The following KCNJ5 variants were observed in gnomAD, a reference collection of about 807,000 sequenced individuals.
KCNJ5 encodes the protein potassium inwardly rectifying channel subfamily J member 5, also known as G protein-activated inward rectifier potassium channel 4.
A neutral mutation model predicts 20.2 loss-of-function variants in KCNJ5; 12 were observed. The ratio of observed to expected loss-of-function variants is 0.59; its 90% CI spans 0.38 to 0.96. The LOEUF (loss-of-function observed/expected upper bound fraction) is 0.96, where lower values mean the gene tolerates loss of function less well. KCNJ5 is among the 40% of genes least tolerant of loss of function. The pLI is 0.00. For synonymous variants in KCNJ5, 210 were observed against 213.9 expected, an observed-to-expected ratio of 0.98 and a Z score of 0.16; for missense variants, 449 against 557.6, an observed-to-expected ratio of 0.81 and a Z score of 1.96.
Position 128,916,274 on chromosome 11 carries a change from A to ATGGATGGATGGC in KCNJ5, c.938-129_938-128insGATGGCTGGATG, listed in dbSNP as rs1345519404. Reference sequence around the variant, plus strand: ...GATGGATGGATGGATGGATGGATGGATGGATGAACAGATGACTGGATGGAT... The same window carrying ATGGATGGATGGC: ...GATGGATGGATGGATGGATGGATGGATGGATGGATGGCTGGATGAACAGATGACTGGATGGAT... On this transcript the variant is annotated intron_variant, in intron 2 of 2. Coordinates refer to ENST00000529694, the MANE Select transcript of KCNJ5 (RefSeq NM_000890.5). 79 of 717,848 alleles carry ATGGATGGATGGC rather than the reference A, an allele frequency of 1.1e-4. No individual in the cohort carries two copies. In the East Asian group the frequency reaches 2.1e-3, roughly 19 times the overall value. The allele number at this position is 717,848 out of a possible 1,614,324, so 44.5% of individuals were successfully genotyped here.
chr11:128,900,663 AC>A (rs1944260151), intron 1 of KCNJ5: 1 of 152,216 alleles, frequency 6.6e-6, no homozygotes, highest in Non-Finnish European at 1.5e-5. Context: ...TGTTTGTATT[AC>A]ATAAAACTTC....
chr11:128,895,382 A>ACCCCCCCCCCC (rs59889127), intron 1 of KCNJ5, among the ~76,000 whole-genome samples: 1 of 141,310 alleles, frequency 7.1e-6, no homozygotes, highest in Non-Finnish European at 1.5e-5. Flanking sequence ...GTGTGCCCCC[A>ACCCCCCCCCCC]CCCCCCCCCC....
At chr11:128,897,317 C>T (rs772613484) in intron 1 of KCNJ5, among the ~76,000 whole-genome samples, 6 of 152,014 alleles carry the variant, frequency 3.9e-5, no homozygotes, top group Non-Finnish European at 8.8e-5. Flanking sequence ...AGGCTGGTCT[C>T]GAACTCCTGA....
At chr11:128,916,025 GATGA>G (rs1944574069) in intron 2 of KCNJ5, among the ~76,000 whole-genome samples, 1 of 148,080 alleles carries the variant, frequency 6.8e-6, no homozygotes, top group African/African-American at 2.5e-5. Context: ...TGGATGGATG[GATGA>G]ATGGATGGAT....
rs75368708 is a variant in KCNJ5, at chr11:128,915,140, C to T, written c.938-1269C>T. ...GGTTGCCTTCAGCACCCAACCAACA[C>T]AGTTAATGCCTTCCTTGGCCAGAAG... is the stretch of plus-strand genomic sequence containing the variant. On this transcript the variant is annotated intron_variant, in intron 2 of 2. Coordinates refer to ENST00000529694, the MANE Select transcript of KCNJ5 (RefSeq NM_000890.5). 7.8e-3 allele frequency among the ~76,000 whole-genome samples: 1,192 copies of T among 152,364 alleles called. 16 individuals carry two copies. The highest frequency in any genetic ancestry group is 0.027 in the African/African-American group (1,114 of 41,584).
intron 1 of KCNJ5, among the ~76,000 whole-genome samples, chr11:128,896,693 T>C (rs1789357482): frequency 1.3e-5 from 2 of 152,152 alleles, no homozygotes; most frequent in East Asian, 3.9e-4. Context: ...AGTGGGAAGG[T>C]ACCATTGCTT....
At chr11:128,915,791 TTGGATGGATGGA>T (rs199516705) in intron 2 of KCNJ5, among the ~76,000 whole-genome samples, 52 of 148,056 alleles carry the variant, frequency 3.5e-4, no homozygotes, top group Middle Eastern at 3.4e-3. Flanking sequence ...GTATGGATAA[TTGGATGGATGGA>T]TGGATGGATG....
intron 2 of KCNJ5, among the ~76,000 whole-genome samples, chr11:128,913,266 G>A (rs2136000626): frequency 1.3e-5 from 2 of 152,334 alleles, no homozygotes; most frequent in Admixed American, 1.3e-4. Flanking sequence ...GGGCAGGTGA[G>A]GCTCCTTTCT....
At chr11:128,910,337 C>A (rs1468216952) in intron 1 of KCNJ5, among the ~76,000 whole-genome samples, 1 of 152,190 alleles carries the variant, frequency 6.6e-6, no homozygotes, top group Non-Finnish European at 1.5e-5. Context: ...AACATCCTGT[C>A]CAGTTCCATT....
chr11:128,914,794 C>T (rs1177924620), intron 2 of KCNJ5, among the ~76,000 whole-genome samples: 7 of 152,198 alleles, frequency 4.6e-5, no homozygotes, highest in Non-Finnish European at 7.3e-5. Context: ...ACAGGGCAGC[C>T]GCTGCCACAC....
chr11:128,898,784 C>T (rs1394143499), intron 1 of KCNJ5, among the ~76,000 whole-genome samples: 1 of 152,144 alleles, frequency 6.6e-6, no homozygotes, highest in Non-Finnish European at 1.5e-5. Context: ...GTCTGCGATT[C>T]TCATACCTTA....
At chr11:128,894,125 G>T (rs1944135869) in intron 1 of KCNJ5, among the ~76,000 whole-genome samples, 2 of 151,566 alleles carry the variant, frequency 1.3e-5, no homozygotes, top group Admixed American at 6.6e-5. Flanking sequence ...GGTGGGCGAA[G>T]CCACAAACAG....
rs563265719 is a variant in KCNJ5 at position 128,920,441 on chromosome 11, C to A, written c.*3710C>A. On this transcript the variant is annotated 3_prime_UTR_variant, in exon 3 of 3. Coordinates refer to ENST00000529694, the MANE Select transcript of KCNJ5 (RefSeq NM_000890.5). ...ACACCCCTTATCTCACGGCTTGCTT[C>A]CAGCCCCCATCAATCCTGTGCCTCA... The A allele has an allele frequency of 6.6e-6, 1 of 152,256 alleles. No homozygotes were observed. The highest frequency in any genetic ancestry group is 1.5e-5 in the Non-Finnish European group (1 of 68,070). The allele number at this position is 152,256 out of a possible 1,614,324, so 9.4% of individuals were successfully genotyped here. A position where few individuals can be genotyped will look rare whatever the true frequency, so the allele number is the denominator to read the frequency against.
At chr11:128,903,270 TA>T in intron 1 of KCNJ5, 2 of 1,382,192 alleles carry the variant, frequency 1.4e-6, no homozygotes, top group South Asian at 1.3e-5. Context: ...ACATCCCATT[TA>T]AATAAAAATA....
intron 1 of KCNJ5, among the ~76,000 whole-genome samples, chr11:128,893,164 G>A (rs1944120741): frequency 6.6e-6 from 1 of 152,222 alleles, no homozygotes; most frequent in Non-Finnish European, 1.5e-5. Context: ...TTGGACTCTG[G>A]CATAAAGAGT....
In KCNJ5 at chr11:128,903,336, T is replaced by C. The variant is rs1591442819; in HGVS notation, c.-10-7928T>C. 5 of 1,613,050 alleles carry C rather than the reference T, an allele frequency of 3.1e-6. No homozygotes were observed. The East Asian group carries it at 1.1e-4, about 36-fold the overall frequency. On this transcript the variant is annotated intron_variant, in intron 1 of 2. Transcript: ENST00000529694. ...AGAAGGATGTAGAGTGTGTCTGTGT[T>C]GGAAGAACGCGATCCGGCAGCTGCA...
rs1944623582 is a variant in KCNJ5, at chr11:128,918,557, C to G, written c.*1826C>G. Reference sequence around the variant, plus strand: ...CACCCACAGTATTCACAGCTCTCAACTGGCCTTTGAGAATGGAAGCCTTTT... The same window carrying G: ...CACCCACAGTATTCACAGCTCTCAAGTGGCCTTTGAGAATGGAAGCCTTTT... On this transcript the variant is annotated 3_prime_UTR_variant, in exon 3 of 3. Transcript: ENST00000529694. The G allele has an allele frequency of 6.6e-6, 1 of 152,342 alleles. No individual in the cohort carries two copies. The highest frequency in any genetic ancestry group is 1.5e-5 in the Non-Finnish European group (1 of 68,114). The allele number at this position is 152,342 out of a possible 1,614,324, so 9.4% of individuals were successfully genotyped here.
intron 1 of KCNJ5, among the ~76,000 whole-genome samples, chr11:128,892,866 C>T (rs1377565140): frequency 6.6e-6 from 1 of 152,158 alleles, no homozygotes; most frequent in Non-Finnish European, 1.5e-5. Context: ...TCCTGTGGGG[C>T]AGAGCTTATT....
chr11:128,892,714 T>C (rs1478443592), intron 1 of KCNJ5, among the ~76,000 whole-genome samples: 1 of 152,208 alleles, frequency 6.6e-6, no homozygotes, highest in Non-Finnish European at 1.5e-5. Flanking sequence ...GACTCCAAAA[T>C]GTGCCTCGTT....
Sources: allele counts gnomAD v4.1 joint callset (sites outside exome capture counted in the v4.1 genomes callset), GRCh38; gene constraint gnomAD v4.1.1; transcripts MANE v1.5; gene names NCBI Gene and HGNC (gene_info 2026-07-23, HGNC 2026-07-21).